The following SLC24A4 variants were observed in gnomAD, a reference collection of about 807,000 sequenced individuals.
SLC24A4 encodes the protein sodium/potassium/calcium exchanger 4.
Under a neutral mutation model 79.0 loss-of-function variants are expected in SLC24A4, and 53 were observed. The ratio of observed to expected loss-of-function variants is 0.67; its 90% CI spans 0.54 to 0.84. The LOEUF is 0.84. SLC24A4 is among the 40% of genes least tolerant of loss of function. SLC24A4 has a pLI of 0.00. For missense variants in SLC24A4, 731 were observed against 822.0 expected (o/e 0.89, Z 1.35); for synonymous variants, 323 against 323.8 (o/e 1.00, Z 0.03).
At chr14:92,359,943 G>A (rs1266011977) in intron 2 of SLC24A4, among the ~76,000 whole-genome samples, 4 of 152,108 alleles carry the variant, frequency 2.6e-5, no homozygotes, top group South Asian at 2.1e-4. Context: ...TTTTTGAGAC[G>A]GAGTCTCACT....
intron 13 of SLC24A4, chr14:92,484,423 T>C: frequency 4.1e-6 from 4 of 985,320 alleles, no homozygotes; most frequent in Non-Finnish European, 4.8e-6. Flanking sequence ...CCTTTCTCCC[T>C]TTCTTCTGGT....
chr14:92,500,243 G>A lies in SLC24A4; in HGVS notation c.*6615G>A, dbSNP rs1434616212. 6.6e-6 allele frequency: 1 copy of A among 152,084 alleles called. No individual in the cohort carries two copies. Among genetic ancestry groups the A allele is most frequent in the Non-Finnish European group, 1.5e-5 (1 of 68,008 alleles). 9.4% of individuals were successfully genotyped at this position (152,084 alleles called of 1,614,324 possible). On this transcript the variant is annotated 3_prime_UTR_variant, in exon 17 of 17. Transcript: ENST00000532405. ...TCAGTACCCTCATCACCCCATCACT[G>A]GAAAACAAATGTTTTAAGCTATCAA...
rs1024941320 is a variant in SLC24A4, at chr14:92,500,923, G to C, written c.*7295G>C. ...TAGATACAGGAGTTGCTAAGGAAGG[G>C]GCCGAGCCAGGAGAGGCCAGGCAGA... On this transcript the variant is annotated 3_prime_UTR_variant, in exon 17 of 17. Coordinates refer to ENST00000532405, the MANE Select transcript of SLC24A4 (RefSeq NM_153646.4). 3.3e-5 allele frequency: 5 copies of C among 152,318 alleles called. No individual in the cohort carries two copies. The highest frequency in any genetic ancestry group is 1.2e-4 in the African/African-American group (5 of 41,440). The allele number at this position is 152,318 out of a possible 1,614,324, so 9.4% of individuals were successfully genotyped here.
intron 2 of SLC24A4, among the ~76,000 whole-genome samples, chr14:92,390,316 C>G (rs1889394654): frequency 6.6e-6 from 1 of 152,032 alleles, no homozygotes; most frequent in African/African-American, 2.4e-5. Flanking sequence ...TTCCCCCAAG[C>G]AGAGGGCACA....
intron 12 of SLC24A4, among the ~76,000 whole-genome samples, chr14:92,476,418 C>G (rs1894766938): frequency 6.6e-6 from 1 of 151,796 alleles, no homozygotes; most frequent in South Asian, 2.1e-4. Context: ...TCAAGCTAAC[C>G]ATATTCTCTT....
At chr14:92,362,334 C>A (rs1399990466) in intron 2 of SLC24A4, among the ~76,000 whole-genome samples, 1 of 152,140 alleles carries the variant, frequency 6.6e-6, no homozygotes. Flanking sequence ...CTTCTGGCCC[C>A]TTCTTGTTGC....
chr14:92,480,144 AT>A (rs56249341), intron 12 of SLC24A4, among the ~76,000 whole-genome samples: 1 of 148,484 alleles, frequency 6.7e-6, no homozygotes, highest in African/African-American at 2.5e-5. Context: ...GATTCTTTGT[AT>A]TTTTTTTTAT....
At chr14:92,350,252 C>A (rs1200588064) in intron 2 of SLC24A4, among the ~76,000 whole-genome samples, 1 of 152,142 alleles carries the variant, frequency 6.6e-6, no homozygotes, top group African/African-American at 2.4e-5. Context: ...CCCTCAGCAA[C>A]CTTGCCACCA....
intron 2 of SLC24A4, among the ~76,000 whole-genome samples, chr14:92,417,343 A>G (rs961741465): frequency 6.6e-6 from 1 of 151,972 alleles, no homozygotes; most frequent in Non-Finnish European, 1.5e-5. Context: ...AGTTAAAAAC[A>G]TTTAAAAAAG....
intron 10 of SLC24A4, 91 bp downstream of exon 10, chr14:92,449,307 C>T: frequency 7.6e-7 from 1 of 1,308,886 alleles, no homozygotes; most frequent in Non-Finnish European, 1.1e-6. Context: ...CACACACACA[C>T]ACACACACAC....
intron 7 of SLC24A4, 48 bp from the exon 8 acceptor site, chr14:92,445,269 A>G: frequency 1.2e-6 from 2 of 1,611,516 alleles, no homozygotes; most frequent in Non-Finnish European, 1.7e-6. Flanking sequence ...TCTTGTTTGG[A>G]AATAAATATG....
intron 2 of SLC24A4, among the ~76,000 whole-genome samples, chr14:92,327,802 G>A (rs1456656022): frequency 1.3e-5 from 2 of 152,158 alleles, no homozygotes; most frequent in African/African-American, 4.8e-5. Context: ...TGTTCTATTC[G>A]ACAGGAAGGC....
chr14:92,385,834 C>A (rs1397073244), intron 2 of SLC24A4, among the ~76,000 whole-genome samples: 1 of 152,222 alleles, frequency 6.6e-6, no homozygotes, highest in African/African-American at 2.4e-5. Flanking sequence ...CCAGCTCCCC[C>A]ATCCCAGACC....
intron 5 of SLC24A4, 53 bp from the exon 6 acceptor site, chr14:92,442,660 G>T: frequency 2.3e-6 from 3 of 1,294,524 alleles, no homozygotes; most frequent in Non-Finnish European, 3.4e-6. Flanking sequence ...CTGAGGAAGG[G>T]GCAGGCTGGG....
chr14:92,359,796 G>A (rs1345517790), intron 2 of SLC24A4, among the ~76,000 whole-genome samples: 4 of 152,300 alleles, frequency 2.6e-5, no homozygotes, highest in East Asian at 3.9e-4. Context: ...CAGTAATACC[G>A]TCCTGACCTA....
intron 2 of SLC24A4, among the ~76,000 whole-genome samples, chr14:92,327,575 C>G (rs573560456): frequency 1.3e-5 from 2 of 152,208 alleles, no homozygotes; most frequent in Non-Finnish European, 2.9e-5. Flanking sequence ...GATAAAGAAT[C>G]AGGGTTCAGG....
intron 2 of SLC24A4, among the ~76,000 whole-genome samples, chr14:92,366,224 A>G (rs1887830146): frequency 6.6e-6 from 1 of 152,190 alleles, no homozygotes; most frequent in Non-Finnish European, 1.5e-5. Flanking sequence ...CACCCGAACC[A>G]AAGGCCAAGC....
intron 2 of SLC24A4, among the ~76,000 whole-genome samples, chr14:92,328,680 C>T (rs973343085): frequency 6.6e-6 from 1 of 152,242 alleles, no homozygotes; most frequent in Non-Finnish European, 1.5e-5. Context: ...CTCCCAGACT[C>T]AAATATGCTG....
At chr14:92,396,655 A>G (rs1187379754) in intron 2 of SLC24A4, among the ~76,000 whole-genome samples, 2 of 152,202 alleles carry the variant, frequency 1.3e-5, no homozygotes, top group Non-Finnish European at 2.9e-5. Context: ...GTTTACTTCT[A>G]GAGCATCTGT....
Sources: allele counts gnomAD v4.1 joint callset (sites outside exome capture counted in the v4.1 genomes callset), GRCh38; gene constraint gnomAD v4.1.1; transcripts MANE v1.5; gene names NCBI Gene and HGNC (gene_info 2026-07-23, HGNC 2026-07-21).